The following C2orf49 variants were observed in gnomAD, a reference collection of about 807,000 sequenced individuals.
The protein encoded by C2orf49 is tRNA-splicing ligase complex subunit ASW.
C2orf49 carries 11 observed loss-of-function variants against 20.6 expected under a neutral mutation model. That is an observed-to-expected ratio of 0.53 (90% CI 0.34 to 0.88). The LOEUF (loss-of-function observed/expected upper bound fraction) is 0.88, where lower values mean the gene tolerates loss of function less well. C2orf49 is among the 40% of genes least tolerant of loss of function. C2orf49 has a pLI of 0.02. For missense variants in C2orf49, 289 were observed against 274.2 expected (o/e 1.05, Z -0.38); for synonymous variants, 134 against 108.5 (o/e 1.24, Z -1.46).
In C2orf49 at chr2:105,339,612, A is replaced by C. The variant is rs1247890360; in HGVS notation, c.129A>C (p.Arg43Ser). 6.3e-7 allele frequency: 1 copy of C among 1,598,572 alleles called. No individual in the cohort carries two copies. The highest frequency in any genetic ancestry group is 1.4e-5 in the African/African-American group (1 of 73,988). Residue 43 changes from arginine to serine, a missense_variant, in exon 2 of 4, where the codon AGA (arginine) becomes AGC (serine). Arg to Ser is a moderately radical substitution (Grantham distance 110). Transcript: ENST00000258457. Reference sequence around the variant, plus strand: ...ACATAGCTGTTGAAACTGATGTAAGAGTAAACAAAGACAGTCTTACTGACC... The same window carrying C: ...ACATAGCTGTTGAAACTGATGTAAGCGTAAACAAAGACAGTCTTACTGACC... ...QKNIAVETDV[R>S]VNKDSLTDLY...
chr2:105,369,580 T>C, the C2orf49 span, among the ~76,000 whole-genome samples: 1 of 152,220 alleles, frequency 6.6e-6, no homozygotes, highest in African/African-American at 2.4e-5. Flanking sequence ...GTACAATCTA[T>C]GGAATTCAAT....
chr2:105,371,826 CTTA>C, the C2orf49 span, among the ~76,000 whole-genome samples: 1 of 152,136 alleles, frequency 6.6e-6, no homozygotes, highest in Non-Finnish European at 1.5e-5. Flanking sequence ...TGTCGTGGTT[CTTA>C]TTGTTACTGA....
At chr2:105,350,777 T>A (rs532501735), downstream of C2orf49, among the ~76,000 whole-genome samples, 1 of 152,330 alleles carries the variant, frequency 6.6e-6, no homozygotes, top group East Asian at 1.9e-4. Flanking sequence ...ACAGTTAGAT[T>A]TCTGGAGAAA....
chr2:105,360,101 T>C, the C2orf49 span: 1 of 152,014 alleles, frequency 6.6e-6, no homozygotes, highest in Non-Finnish European at 1.5e-5. Context: ...GGTCAGGAGT[T>C]CAAGACCAGC....
the C2orf49 span, chr2:105,376,805 G>T: frequency 6.6e-6 from 1 of 152,246 alleles, no homozygotes; most frequent in African/African-American, 2.4e-5. Context: ...AATGTGGTCT[G>T]TGCATACAAT....
At chr2:105,339,181 T>C (rs1679597353) in intron 1 of C2orf49, among the ~76,000 whole-genome samples, 1 of 152,252 alleles carries the variant, frequency 6.6e-6, no homozygotes, top group African/African-American at 2.4e-5. Flanking sequence ...ACTAATCTGA[T>C]CATGATAGTA....
At chr2:105,375,014 G>A in the C2orf49 span, among the ~76,000 whole-genome samples, 3 of 152,214 alleles carry the variant, frequency 2.0e-5, no homozygotes, top group Non-Finnish European at 4.4e-5. Context: ...CGAAGTCGAA[G>A]CTGGAGTTAT....
the C2orf49 span, among the ~76,000 whole-genome samples, chr2:105,383,396 AC>A: frequency 2.0e-5 from 3 of 152,198 alleles, no homozygotes; most frequent in Admixed American, 2.0e-4. Flanking sequence ...AATAATCTTT[AC>A]CCTTTGAGAT....
the C2orf49 span, among the ~76,000 whole-genome samples, chr2:105,354,904 G>A: frequency 6.6e-6 from 1 of 152,288 alleles, no homozygotes; most frequent in East Asian, 1.9e-4. Context: ...AATGCTTGCT[G>A]TTAAATGGAA....
At chr2:105,343,632 GT>G (rs1054708901) in intron 3 of C2orf49, among the ~76,000 whole-genome samples, 3 of 152,124 alleles carry the variant, frequency 2.0e-5, no homozygotes, top group Non-Finnish European at 2.9e-5. Context: ...AAGTCTGTCT[GT>G]TTGTGCATAC....
rs755760937 is a variant in C2orf49 at position 105,339,562 on chromosome 2, CT to C, written c.100-17del. 1 of 1,573,696 alleles carries C rather than the reference CT, an allele frequency of 6.4e-7. No homozygotes were observed. Among genetic ancestry groups the C allele is most frequent in the Admixed American group, 2.2e-5 (1 of 46,490 alleles). ...AATTAAAAACATTGTTTTGAAATTA[CT>C]TTTGTTTCCTTTCCCGCAGAAGAAC... On this transcript the variant is annotated intron_variant, in intron 1 of 3. Transcript: ENST00000258457.
chr2:105,361,811 A>C, the C2orf49 span, among the ~76,000 whole-genome samples: 2 of 152,172 alleles, frequency 1.3e-5, no homozygotes, highest in Non-Finnish European at 2.9e-5. Context: ...TGACTTAATG[A>C]TTGAAGCAGT....
At chr2:105,343,284 C>T (rs935766319) in intron 3 of C2orf49, 61 bp downstream of exon 3, 3 of 1,495,722 alleles carry the variant, frequency 2.0e-6, no homozygotes, top group East Asian at 2.3e-5. Flanking sequence ...AGCAGTCTGC[C>T]TCATGACGGG....
intron 1 of C2orf49, among the ~76,000 whole-genome samples, chr2:105,338,480 G>A (rs1376769034): frequency 6.6e-6 from 1 of 152,174 alleles, no homozygotes; most frequent in East Asian, 1.9e-4. Flanking sequence ...AACACAGATT[G>A]TTGGGCTCCG....
chr2:105,359,894 T>G, the C2orf49 span: 1 of 152,198 alleles, frequency 6.6e-6, no homozygotes, highest in Non-Finnish European at 1.5e-5. Flanking sequence ...TCCATAACAC[T>G]GGGACAGAGC....
intron 3 of C2orf49, among the ~76,000 whole-genome samples, chr2:105,344,965 G>C (rs1036513257): frequency 1.3e-5 from 2 of 152,098 alleles, no homozygotes; most frequent in East Asian, 3.9e-4. Context: ...GCAGTCAGTG[G>C]TTTTCAACTC....
At chr2:105,341,716 A>G (rs1234558366) in intron 2 of C2orf49, among the ~76,000 whole-genome samples, 2 of 152,182 alleles carry the variant, frequency 1.3e-5, no homozygotes, top group East Asian at 1.9e-4. Context: ...GTTCTGATGT[A>G]TTCAGGTTGA....
chr2:105,380,283 A>G, the C2orf49 span, among the ~76,000 whole-genome samples: 1 of 152,066 alleles, frequency 6.6e-6, no homozygotes, highest in Non-Finnish European at 1.5e-5. Context: ...CATTGATTAG[A>G]CCCGGGTGCC....
At position 105,339,339 on chromosome 2, in the gene C2orf49, G is replaced by A. The variant is rs1679600758; in HGVS notation, c.100-244G>A. On this transcript the variant is annotated intron_variant, in intron 1 of 3. Transcript: ENST00000258457. ...ATCTTTCATGCTTGGTGTGTTGGCT[G>A]AGCAGTTGTGGACAGCAATCCCTGT... is the stretch of plus-strand genomic sequence containing the variant. Among the ~76,000 whole-genome samples the A allele has an allele frequency of 3.9e-5, 6 of 152,334 alleles. No homozygotes were observed. In the South Asian group the frequency reaches 1.2e-3, roughly 32 times the overall value.
Sources: gnomAD v4.1 joint callset for allele counts (sites outside exome capture counted in the v4.1 genomes callset) on GRCh38, gnomAD v4.1.1 for gene constraint, MANE v1.5 for transcripts, NCBI Gene and HGNC (gene_info 2026-07-23, HGNC 2026-07-21) for gene names.